Variants in PPP2R2B observed in about 807,000 individuals in gnomAD.
PPP2R2B encodes protein phosphatase 2 regulatory subunit Bbeta.
A neutral mutation model predicts 46.0 loss-of-function variants in PPP2R2B; 5 were observed. That is an observed-to-expected ratio of 0.11 (90% confidence interval 0.06 to 0.23). The LOEUF (loss-of-function observed/expected upper bound fraction) is 0.23. Among genes scored for constraint, PPP2R2B ranks in the 10% least tolerant of loss-of-function variants. The pLI, the probability that PPP2R2B is intolerant of heterozygous loss-of-function variation, is 1.00. For missense variants in PPP2R2B, 367 were observed against 575.0 expected, an observed-to-expected ratio of 0.64 and a Z score of 3.70; for synonymous variants, 215 against 206.7, an observed-to-expected ratio of 1.04 and a Z score of -0.34.
intron 1 of PPP2R2B, among the ~76,000 whole-genome samples, chr5:146,889,072 G>A (rs1304156060): frequency 6.6e-6 from 1 of 152,200 alleles, no homozygotes; most frequent in Non-Finnish European, 1.5e-5. Context: ...CTGGAACAGT[G>A]CCTGGCACTA....
chr5:146,860,806 C>T (rs1053565306), intron 2 of PPP2R2B, among the ~76,000 whole-genome samples: 3 of 152,146 alleles, frequency 2.0e-5, no homozygotes, highest in African/African-American at 7.2e-5. Context: ...TTTTCACTGA[C>T]TCATCCAGAC....
intron 2 of PPP2R2B, among the ~76,000 whole-genome samples, chr5:146,874,577 C>T (rs1306477830): frequency 6.6e-6 from 1 of 152,070 alleles, no homozygotes; most frequent in Admixed American, 6.6e-5. Context: ...ATTGTTATTC[C>T]CACTTTCCAG....
At chr5:146,736,059 A>C (rs367576942) in intron 2 of PPP2R2B, among the ~76,000 whole-genome samples, 7 of 152,178 alleles carry the variant, frequency 4.6e-5, no homozygotes, top group African/African-American at 1.7e-4. Context: ...GAATCATGGG[A>C]GCAGTTTCCC....
intron 1 of PPP2R2B, among the ~76,000 whole-genome samples, chr5:147,051,552 G>C (rs1756818187): frequency 6.6e-6 from 1 of 152,092 alleles, no homozygotes. Flanking sequence ...GCATGGAAAT[G>C]AGATAAAGAC....
chr5:146,641,694 C>A (rs927542972), intron 6 of PPP2R2B, among the ~76,000 whole-genome samples: 1 of 151,954 alleles, frequency 6.6e-6, no homozygotes, highest in Non-Finnish European at 1.5e-5. Context: ...CCTCTAGAAA[C>A]CCAGGCATTT....
At chr5:146,999,661 C>T (rs1002528975) in intron 1 of PPP2R2B, among the ~76,000 whole-genome samples, 9 of 152,146 alleles carry the variant, frequency 5.9e-5, no homozygotes, top group African/African-American at 1.7e-4. Flanking sequence ...ATTCATCTCC[C>T]AGAAGGGAAC....
rs77468404 is a variant in PPP2R2B, at chr5:146,618,086, C to T, written c.791-17626G>A. On this transcript the variant is annotated intron_variant, in intron 7 of 9. Coordinates refer to ENST00000394411, the MANE Select transcript of PPP2R2B (RefSeq NM_181675.4). ...CCCTAATCCCTAGAACCTGTGACCA[C>T]GTTATGTTACATGACAAGGGGGAAT... is the stretch of plus-strand genomic sequence containing the variant. 3.3e-5 allele frequency among the ~76,000 whole-genome samples: 5 copies of T among 152,132 alleles called. No homozygotes were observed. The South Asian group carries it at 8.3e-4, about 25-fold the overall frequency.
chr5:146,590,009 C>T lies in PPP2R2B; in HGVS notation c.1270G>A (p.Glu424Lys), dbSNP rs1194407461. 1 of 1,614,170 alleles carries T rather than the reference C, an allele frequency of 6.2e-7. No individual in the cohort carries two copies. Among genetic ancestry groups the T allele is most frequent in the African/African-American group, 1.3e-5 (1 of 75,046 alleles). The change falls in exon 10 of 10, where the codon GAA (glutamate) becomes AAA (lysine). Residue 424 changes from glutamate (E) to lysine (K), a missense_variant. By Grantham distance (56) the Glu-to-Lys change is moderately conservative. Around this residue, in one of 2 missense-constraint regions of PPP2R2B, gnomAD observed 6 missense variants for 29.5 expected, o/e 0.20. Transcript: ENST00000394411. ...KILHTAWHPS[E>K]NIIAVAATNN... The stretch of plus-strand genomic sequence containing the variant: ...GTAGCCGCCACTGCTATAATATTTT[C>T]TGAAGGATGCCAAGCTGTATGCAAG...
chr5:146,745,986 C>T (rs934271213), intron 2 of PPP2R2B, among the ~76,000 whole-genome samples: 1 of 151,806 alleles, frequency 6.6e-6, no homozygotes, highest in African/African-American at 2.4e-5. Context: ...ATAAATTGTC[C>T]TAGAAATGCA....
At chr5:146,862,202 C>T (rs975289196) in intron 2 of PPP2R2B, among the ~76,000 whole-genome samples, 6 of 152,166 alleles carry the variant, frequency 3.9e-5, no homozygotes, top group Non-Finnish European at 8.8e-5. Context: ...ACCTGCAAGT[C>T]TAAACTCCCA....
At chr5:146,628,134 A>G (rs1246191862) in intron 7 of PPP2R2B, among the ~76,000 whole-genome samples, 1 of 152,082 alleles carries the variant, frequency 6.6e-6, no homozygotes, top group Non-Finnish European at 1.5e-5. Context: ...TAGTAGAGAC[A>G]GGGTTTCACC....
At chr5:146,814,579 T>C (rs781132913) in intron 2 of PPP2R2B, among the ~76,000 whole-genome samples, 2 of 151,838 alleles carry the variant, frequency 1.3e-5, no homozygotes, top group Non-Finnish European at 2.9e-5. Flanking sequence ...ATCTCAGGAG[T>C]TGGGTGAATG....
At chr5:146,821,640 T>G (rs1234403476) in intron 2 of PPP2R2B, among the ~76,000 whole-genome samples, 1 of 152,126 alleles carries the variant, frequency 6.6e-6, no homozygotes, top group Admixed American at 6.5e-5. Context: ...TAAGCCCCCT[T>G]TTTTCTCACT....
chr5:146,664,230 T>G (rs1446057878), intron 5 of PPP2R2B, among the ~76,000 whole-genome samples: 2 of 152,210 alleles, frequency 1.3e-5, no homozygotes, highest in Non-Finnish European at 2.9e-5. Flanking sequence ...CATATTATGG[T>G]GTTTGACAGC....
At chr5:146,896,615 T>C (rs1762651756) in intron 1 of PPP2R2B, among the ~76,000 whole-genome samples, 1 of 152,182 alleles carries the variant, frequency 6.6e-6, no homozygotes, top group South Asian at 2.1e-4. Context: ...CCTGTGGTGG[T>C]GAGATCTTAC....
In PPP2R2B at chr5:146,680,557, A is replaced by G. The variant is rs379679; in HGVS notation, c.447+10571T>C. On this transcript the variant is annotated intron_variant, in intron 5 of 9. Transcript: ENST00000394411. ...ACTTAAAGTATAATAATAATAATAA[A>G]AAAAACCACAGCGTTGCACACACTT... 2.6e-5 allele frequency among the ~76,000 whole-genome samples: 4 copies of G among 151,826 alleles called. No individual in the cohort carries two copies. The South Asian group carries it at 8.3e-4, about 32-fold the overall frequency.
intron 2 of PPP2R2B, among the ~76,000 whole-genome samples, chr5:146,876,899 C>T (rs1582335888): frequency 1.3e-5 from 2 of 152,052 alleles, no homozygotes; most frequent in East Asian, 3.8e-4. Flanking sequence ...TCTTTTACTC[C>T]CCCCATCACA....
At chr5:146,831,642 T>A (rs373862325) in intron 2 of PPP2R2B, among the ~76,000 whole-genome samples, 1 of 151,924 alleles carries the variant, frequency 6.6e-6, no homozygotes, top group South Asian at 2.1e-4. Context: ...AAGCATCAGG[T>A]TAGCCAGGCG....
intron 1 of PPP2R2B, among the ~76,000 whole-genome samples, chr5:146,896,304 T>C (rs1279641917): frequency 6.6e-6 from 1 of 152,170 alleles, no homozygotes; most frequent in African/African-American, 2.4e-5. Context: ...ACCATCACCC[T>C]GAAGGAGGTA....
Sources: gnomAD v4.1 joint callset for allele counts (sites outside exome capture counted in the v4.1 genomes callset) on GRCh38, gnomAD v4.1.1 for gene constraint, gnomAD v4.1.1 regional missense constraint, MANE v1.5 for transcripts, NCBI Gene and HGNC (gene_info 2026-07-23, HGNC 2026-07-21) for gene names.